RARB: variants seen among roughly 807,000 people sequenced by gnomAD.
RARB encodes HBV-activated protein.
In RARB, 17 loss-of-function variants were observed where a neutral mutation model predicts 51.9. The ratio of observed to expected loss-of-function variants is 0.33; its 90% confidence interval spans 0.22 to 0.49. RARB has a LOEUF of 0.49. Among genes scored for constraint, RARB ranks in the 20% least tolerant of loss-of-function variants. RARB has a pLI of 0.99. For missense variants in RARB, 369 were observed against 550.8 expected (o/e 0.67, Z 3.30); for synonymous variants, 215 against 195.4 (o/e 1.10, Z -0.84).
chr3:25,348,353 C>T (rs1575331231), intron 5 of RARB, among the ~76,000 whole-genome samples: 2 of 150,598 alleles, frequency 1.3e-5, no homozygotes, highest in East Asian at 3.9e-4. Flanking sequence ...AAAATATTTG[C>T]AATAATAACT....
chr3:24,939,025 C>T lies in RARB; in HGVS notation c.-380+80273C>T, dbSNP rs371634199. Among the ~76,000 whole-genome samples, 49 of 151,928 alleles carry T rather than the reference C, an allele frequency of 3.2e-4. No individual in the cohort carries two copies. The East Asian group carries it at 6.0e-3, about 19-fold the overall frequency. ...TTAGACAGAGTCTCACTCTGTTCCCCAAGCTAGAGTGCATTGACGTGGTCT... is the reference window on the plus strand; with the variant it reads ...TTAGACAGAGTCTCACTCTGTTCCCTAAGCTAGAGTGCATTGACGTGGTCT... On this transcript the variant is annotated intron_variant, in intron 2 of 11. Coordinates refer to the RARB transcript ENST00000383772.
At chr3:25,358,940 C>CTT (rs879944117) in intron 5 of RARB, among the ~76,000 whole-genome samples, 2 of 141,630 alleles carry the variant, frequency 1.4e-5, no homozygotes, top group African/African-American at 5.2e-5. Flanking sequence ...CTGAAATTTT[C>CTT]TTTTTTTTTT....
chr3:25,033,640 G>A (rs575483119), intron 2 of RARB, among the ~76,000 whole-genome samples: 1 of 152,232 alleles, frequency 6.6e-6, no homozygotes, highest in Admixed American at 6.5e-5. Flanking sequence ...GCAAGGTCAA[G>A]CCAGACCCAC....
intron 5 of RARB, among the ~76,000 whole-genome samples, chr3:25,192,741 C>T (rs967797394): frequency 2.0e-5 from 3 of 152,008 alleles, no homozygotes; most frequent in Admixed American, 1.3e-4. Context: ...GACACACACA[C>T]GACAAAACTT....
At chr3:24,850,149 A>G (rs572338211) in intron 1 of RARB, among the ~76,000 whole-genome samples, 4 of 152,354 alleles carry the variant, frequency 2.6e-5, no homozygotes, top group South Asian at 4.1e-4. Context: ...TAATCCATTC[A>G]TGTGGGTAGA....
At chr3:25,591,375 T>C (rs930121897) in intron 5 of RARB, among the ~76,000 whole-genome samples, 2 of 152,234 alleles carry the variant, frequency 1.3e-5, no homozygotes, top group East Asian at 1.9e-4. Flanking sequence ...TATGCAGTTA[T>C]GTGCTGCACA....
At chr3:24,970,759 G>T (rs1460176301) in intron 2 of RARB, among the ~76,000 whole-genome samples, 1 of 151,954 alleles carries the variant, frequency 6.6e-6, no homozygotes, top group Non-Finnish European at 1.5e-5. Flanking sequence ...TTTGTGTGGA[G>T]TAATTCTAGT....
At chr3:25,248,420 A>G (rs542959114) in intron 5 of RARB, among the ~76,000 whole-genome samples, 2 of 152,170 alleles carry the variant, frequency 1.3e-5, no homozygotes, top group Admixed American at 1.3e-4. Flanking sequence ...TAATTGAGCT[A>G]TTGTTATTTT....
chr3:24,942,584 C>T (rs546776630), intron 2 of RARB, among the ~76,000 whole-genome samples: 1 of 152,244 alleles, frequency 6.6e-6, no homozygotes, highest in East Asian at 1.9e-4. Context: ...GAGTTCTGTG[C>T]CTTTACTACC....
intron 5 of RARB, among the ~76,000 whole-genome samples, chr3:25,266,295 A>C (rs892200096): frequency 4.6e-5 from 7 of 151,620 alleles, no homozygotes; most frequent in African/African-American, 1.7e-4. Flanking sequence ...TCCAAAATGG[A>C]AATTTTTTCT....
At chr3:24,913,662 A>G (rs1695048529) in intron 2 of RARB, among the ~76,000 whole-genome samples, 1 of 152,198 alleles carries the variant, frequency 6.6e-6, no homozygotes, top group South Asian at 2.1e-4. Context: ...GTTACATCTT[A>G]ATGTGAAATG....
At chr3:25,501,381 C>T (rs1301020468) in intron 3 of RARB, 58 bp downstream of exon 3, 6 of 1,586,454 alleles carry the variant, frequency 3.8e-6, no homozygotes, top group Non-Finnish European at 5.1e-6. Flanking sequence ...GATTTGCTCA[C>T]CTTCCACAGT....
At chr3:25,081,606 TATATATATATATA>T (rs1332384839) in intron 3 of RARB, among the ~76,000 whole-genome samples, 214 of 17,242 alleles carry the variant, frequency 0.012, 12 homozygotes, top group African/African-American at 0.028. Context: ...TATATATATA[TATATATATATATA>T]TATTTTTTTT....
chr3:25,476,414 C>A lies in RARB; in HGVS notation c.306+15073C>A, dbSNP rs143588872. Reference sequence around the variant, plus strand: ...CCTTAATAAGAGGTTTATGTAAAACCTTTTGAGTAGAGATACTCTTATTTG... The same window carrying A: ...CCTTAATAAGAGGTTTATGTAAAACATTTTGAGTAGAGATACTCTTATTTG... On this transcript the variant is annotated intron_variant, in intron 2 of 7. Coordinates refer to ENST00000330688, the MANE Select transcript of RARB (RefSeq NM_000965.5). Among the ~76,000 whole-genome samples the A allele has an allele frequency of 3.2e-3, 483 of 152,072 alleles. 3 individuals carry two copies. Among genetic ancestry groups the A allele is most frequent in the African/African-American group, 0.011 (452 of 41,462 alleles).
At chr3:25,064,258 C>T (rs1264692122) in intron 3 of RARB, among the ~76,000 whole-genome samples, 2 of 152,024 alleles carry the variant, frequency 1.3e-5, no homozygotes, top group South Asian at 2.1e-4. Flanking sequence ...TCCATTTTTT[C>T]TCCATTTCAG....
At chr3:25,338,808 A>G (rs1407247857) in intron 5 of RARB, among the ~76,000 whole-genome samples, 1 of 152,190 alleles carries the variant, frequency 6.6e-6, no homozygotes, top group Non-Finnish European at 1.5e-5. Context: ...ATATTTGTGT[A>G]GTCCTTGGTA....
At chr3:25,343,556 T>G (rs1336750850) in intron 5 of RARB, among the ~76,000 whole-genome samples, 1 of 152,064 alleles carries the variant, frequency 6.6e-6, no homozygotes, top group Non-Finnish European at 1.5e-5. Context: ...AAAAAAAAAT[T>G]GGAAAAGGAA....
chr3:25,397,962 C>A (rs942930283), intron 5 of RARB, among the ~76,000 whole-genome samples: 1 of 151,756 alleles, frequency 6.6e-6, no homozygotes, highest in Non-Finnish European at 1.5e-5. Flanking sequence ...CTTATATAAC[C>A]CTTAAAATGA....
At chr3:25,213,231 T>C (rs1470574857) in intron 5 of RARB, among the ~76,000 whole-genome samples, 9 of 152,190 alleles carry the variant, frequency 5.9e-5, no homozygotes, top group African/African-American at 2.2e-4. Flanking sequence ...TTCTTCCCTA[T>C]TCCCCAAGTC....
Sources: allele counts gnomAD v4.1 joint callset (sites outside exome capture counted in the v4.1 genomes callset), GRCh38; gene constraint gnomAD v4.1.1; transcripts MANE v1.5; gene names NCBI Gene and HGNC (gene_info 2026-07-23, HGNC 2026-07-21).